INTS14: variants seen among roughly 807,000 people sequenced by gnomAD.
The protein encoded by INTS14 is UPF0464 protein C15orf44.
INTS14 carries 27 observed loss-of-function variants against 56.9 expected under a neutral mutation model. The ratio of observed to expected loss-of-function variants is 0.47; its 90% CI spans 0.35 to 0.65. INTS14 has a LOEUF of 0.65. Among genes scored for constraint, INTS14 ranks in the 30% least tolerant of loss-of-function variants. The pLI, the probability that INTS14 is intolerant of heterozygous loss-of-function variation, is 0.00. For synonymous variants in INTS14, 207 were observed against 236.2 expected (o/e 0.88, Z 1.13); for missense variants, 517 against 632.2 (o/e 0.82, Z 1.95).
intron 3 of INTS14, among the ~76,000 whole-genome samples, chr15:65,601,319 TA>T (rs1248477516): frequency 6.6e-6 from 1 of 152,168 alleles, no homozygotes; most frequent in African/African-American, 2.4e-5. Flanking sequence ...CCTAGTCCAG[TA>T]ACTTGATAAC....
Position 65,595,782 on chromosome 15 carries a change from A to G in INTS14, c.792T>C (p.Ser264=). ...VGFIDIADIS[S]PPVLSRHLVL... is the part of the protein sequence containing the mutation. ...CCAGATGTCTGGACAGAACTGGGGG[A>G]CTTGAAATATCAGCTATATCAATAA... Residue 264 remains serine, a synonymous_variant, in exon 7 of 12, where the codon AGT becomes AGC. Transcript: ENST00000313182. 15 of 1,610,028 alleles carry G rather than the reference A, an allele frequency of 9.3e-6. No homozygotes were observed. Among genetic ancestry groups the G allele is most frequent in the Non-Finnish European group, 1.3e-5 (15 of 1,178,964 alleles).
Position 65,579,406 on chromosome 15 carries a change from T to C in INTS14, c.*2A>G, listed in dbSNP as rs1452269470. The C allele has an allele frequency of 1.2e-6, 2 of 1,604,734 alleles. No individual in the cohort carries two copies. The highest frequency in any genetic ancestry group is 1.7e-6 in the Non-Finnish European group (2 of 1,173,182). ...AAAGAAGGAAAGCTCCAAAAGTCAG[T>C]TTCAAATTCTTTCAGTGCTGCTCCC... On this transcript the variant is annotated 3_prime_UTR_variant, in exon 12 of 12. Transcript: ENST00000313182.
intron 5 of INTS14, 189 bp downstream of exon 5, chr15:65,598,683 G>C (rs945560233): frequency 7.2e-6 from 5 of 690,218 alleles, no homozygotes; most frequent in Admixed American, 3.1e-5. Flanking sequence ...TTATAAGGAA[G>C]TCAGTATCTA....
chr15:65,604,325 G>A (rs969921753), intron 3 of INTS14, among the ~76,000 whole-genome samples: 2 of 152,084 alleles, frequency 1.3e-5, no homozygotes, highest in Admixed American at 6.5e-5. Context: ...CTGGTGATCC[G>A]TCCACCTCAG....
At chr15:65,588,196 C>A (rs943490292) in intron 9 of INTS14, among the ~76,000 whole-genome samples, 1 of 151,578 alleles carries the variant, frequency 6.6e-6, no homozygotes, top group Non-Finnish European at 1.5e-5. Flanking sequence ...GGCTGAGGCA[C>A]GAGAATTGCT....
intron 3 of INTS14, among the ~76,000 whole-genome samples, 190 bp downstream of exon 3, chr15:65,604,939 T>C (rs2073590824): frequency 6.6e-6 from 1 of 152,206 alleles, no homozygotes; most frequent in African/African-American, 2.4e-5. Context: ...ATGCTTTCCT[T>C]AAGGCATAAC....
Position 65,598,481 on chromosome 15 carries a change from ATAGT to A in INTS14, c.606-22_606-19del, listed in dbSNP as rs1015656884. 6.2e-6 allele frequency: 10 copies of A among 1,610,278 alleles called. No homozygotes were observed. In the African/African-American group the frequency reaches 1.1e-4, roughly 17 times the overall value. On this transcript the variant is annotated intron_variant, in intron 5 of 11. Coordinates refer to ENST00000313182, the MANE Select transcript of INTS14 (RefSeq NM_001394796.1). The stretch of plus-strand genomic sequence containing the variant: ...TCAGTTTTCTAGAATATGATAATTA[ATAGT>A]TATAGGAAGAGTAATACGATACATA...
At chr15:65,581,566 A>T (rs1252629444) in intron 11 of INTS14, among the ~76,000 whole-genome samples, 2 of 150,620 alleles carry the variant, frequency 1.3e-5, no homozygotes, top group African/African-American at 4.9e-5. Context: ...AAAAAAAAAA[A>T]AAAAAAAAAA....
chr15:65,579,707 C>T (rs1216466233), intron 11 of INTS14, 48 bp from the exon 12 acceptor site: 2 of 1,581,792 alleles, frequency 1.3e-6, no homozygotes, highest in African/African-American at 1.3e-5. Flanking sequence ...GTGTTCCTAA[C>T]ACATACTTTC....
intron 2 of INTS14, among the ~76,000 whole-genome samples, chr15:65,605,774 G>A (rs1283478707): frequency 6.6e-6 from 1 of 152,064 alleles, no homozygotes; most frequent in African/African-American, 2.4e-5. Context: ...AAAACATTAC[G>A]TCTCACTCCT....
intron 2 of INTS14, 46 bp downstream of exon 2, chr15:65,607,113 A>T: frequency 6.3e-7 from 1 of 1,597,832 alleles, no homozygotes; most frequent in Non-Finnish European, 8.6e-7. Context: ...TTTTCCTCCC[A>T]ATAAATTTAG....
At chr15:65,584,681 CAAAGGA>C (rs2072751625) in intron 10 of INTS14, 83 bp downstream of exon 10, 1 of 1,127,538 alleles carries the variant, frequency 8.9e-7, no homozygotes, top group Non-Finnish European at 1.3e-6. Flanking sequence ...TACTAAGTAT[CAAAGGA>C]AAAGAAAATC....
intron 9 of INTS14, among the ~76,000 whole-genome samples, chr15:65,588,885 T>A (rs188230444): frequency 4.5e-4 from 68 of 152,278 alleles, no homozygotes; most frequent in African/African-American, 1.4e-3. Context: ...GAGAGTTAAA[T>A]GAGATGGTAT....
At chr15:65,605,080 A>G (rs376381373) in intron 3 of INTS14, 49 bp downstream of exon 3, 1 of 1,385,324 alleles carries the variant, frequency 7.2e-7, no homozygotes, top group African/African-American at 1.4e-5. Context: ...GAAGCACCTC[A>G]GTGGTTAATG....
In INTS14 at chr15:65,591,710, G is replaced by C. The variant is rs2073038892; in HGVS notation, c.1008C>G (p.Leu336=). 1.9e-6 allele frequency: 3 copies of C among 1,614,016 alleles called. No homozygotes were observed. The highest frequency in any genetic ancestry group is 1.3e-5 in the African/African-American group (1 of 74,914). The change falls in exon 9 of 12, where the codon CTC becomes CTG. Residue 336 remains leucine, a synonymous_variant. Transcript: ENST00000313182. ...TCTTCTTGCTGTCAGCTTGGGAGTA[G>C]AGCATTCCATGCCATTCAGGACTAG... ...VQLGPEWHGM[L]YSQADSKKKS... is the part of the protein sequence containing the mutation.
At chr15:65,588,532 G>A (rs1044051371) in intron 9 of INTS14, among the ~76,000 whole-genome samples, 2 of 151,954 alleles carry the variant, frequency 1.3e-5, no homozygotes, top group Non-Finnish European at 1.5e-5. Context: ...GCCGGGCATG[G>A]TGGCTTGTGC....
At position 65,607,303 on chromosome 15, in the gene INTS14, C is replaced by T; in HGVS notation, c.78G>A (p.Gln26=). Residue 26 remains glutamine, a synonymous_variant, in exon 2 of 12, where the codon CAG becomes CAA. Transcript: ENST00000313182. ...AACCATGGGCTGCTAGGTGCTTACG[C>T]TGGTATTCCTCGGACCCCTCAATAG... ...PVSIEGSEEY[Q]RKHLAAHGLT... 6.2e-7 allele frequency: 1 copy of T among 1,614,170 alleles called. No homozygotes were observed.
chr15:65,601,825 C>T (rs903509032), intron 3 of INTS14, among the ~76,000 whole-genome samples: 91 of 152,290 alleles, frequency 6.0e-4, no homozygotes, highest in African/African-American at 2.1e-3. Flanking sequence ...TTACCTCCAT[C>T]GGCTTTTTCA....
chr15:65,605,297 C>T lies in INTS14; in HGVS notation c.223-61G>A. The stretch of plus-strand genomic sequence containing the variant: ...TTAGTTTTAATTAGGTATTAGAAAA[C>T]AACATAAATTGTTCAAAGTATGAAT... On this transcript the variant is annotated intron_variant, in intron 2 of 11. Transcript: ENST00000313182. 3.1e-6 allele frequency: 4 copies of T among 1,298,958 alleles called. 1 individual carries two copies. The highest frequency in any genetic ancestry group is 4.5e-6 in the Non-Finnish European group (4 of 896,562). The allele number at this position is 1,298,958 out of a possible 1,614,324, so 80.5% of individuals were successfully genotyped here.
Sources: gnomAD v4.1 joint callset for allele counts (sites outside exome capture counted in the v4.1 genomes callset) on GRCh38, gnomAD v4.1.1 for gene constraint, MANE v1.5 for transcripts, NCBI Gene and HGNC (gene_info 2026-07-23, HGNC 2026-07-21) for gene names.